The following QTMAN variants were observed in gnomAD, a reference collection of about 807,000 sequenced individuals.
QTMAN encodes the protein queuosine-tRNA mannosyltransferase.
At chr2:144,301,224 G>C in the QTMAN span, among the ~76,000 whole-genome samples, 19 of 151,458 alleles carry the variant, frequency 1.3e-4, no homozygotes, top group African/African-American at 4.1e-4. Context: ...TTGTTTTTTT[G>C]TTTGTTTGTT....
the QTMAN span, among the ~76,000 whole-genome samples, chr2:144,114,555 T>C: frequency 1.9e-3 from 291 of 152,294 alleles, 6 homozygotes; most frequent in South Asian, 0.014. Context: ...CCCTTGAGTA[T>C]AATAATTTGC....
chr2:144,043,204 G>A, the QTMAN span, among the ~76,000 whole-genome samples: 1 of 150,198 alleles, frequency 6.7e-6, no homozygotes, highest in Non-Finnish European at 1.5e-5. Context: ...TTTTACAGCA[G>A]ACGAATATGT....
chr2:144,183,363 G>A, the QTMAN span, among the ~76,000 whole-genome samples: 2 of 152,018 alleles, frequency 1.3e-5, no homozygotes, highest in South Asian at 2.1e-4. Flanking sequence ...ATGAAGACTA[G>A]TATCTGGTAC....
At chr2:144,250,857 C>G in the QTMAN span, among the ~76,000 whole-genome samples, 1 of 151,412 alleles carries the variant, frequency 6.6e-6, no homozygotes, top group South Asian at 2.1e-4. Flanking sequence ...ACTTACACCA[C>G]GCAACACTTC....
At chr2:144,084,633 T>C in the QTMAN span, among the ~76,000 whole-genome samples, 1 of 152,210 alleles carries the variant, frequency 6.6e-6, no homozygotes, top group Non-Finnish European at 1.5e-5. Flanking sequence ...TTCACCTTTT[T>C]AATTGTTCTT....
chr2:144,249,846 T>C, the QTMAN span, among the ~76,000 whole-genome samples: 18 of 152,160 alleles, frequency 1.2e-4, no homozygotes, highest in African/African-American at 4.3e-4. Flanking sequence ...TAATAAAACA[T>C]AAGGTTTATT....
the QTMAN span, among the ~76,000 whole-genome samples, chr2:144,072,364 T>TA: frequency 6.6e-6 from 1 of 152,212 alleles, no homozygotes; most frequent in Non-Finnish European, 1.5e-5. Context: ...AAGACAATCT[T>TA]ACTTTCTTAC....
chr2:144,278,385 G>C, the QTMAN span, among the ~76,000 whole-genome samples: 3 of 152,194 alleles, frequency 2.0e-5, no homozygotes, highest in Admixed American at 6.5e-5. Context: ...ACATATATTA[G>C]GGATAACAGA....
At chr2:144,275,040 A>G in the QTMAN span, among the ~76,000 whole-genome samples, 1 of 152,184 alleles carries the variant, frequency 6.6e-6, no homozygotes, top group African/African-American at 2.4e-5. Context: ...GTTGAGTGCT[A>G]TATGAGAATA....
chr2:144,259,537 A>G, the QTMAN span, among the ~76,000 whole-genome samples: 1 of 152,164 alleles, frequency 6.6e-6, no homozygotes, highest in Admixed American at 6.5e-5. Flanking sequence ...CCAACCTAAC[A>G]GTAATGACTC....
the QTMAN span, among the ~76,000 whole-genome samples, chr2:144,139,868 T>C: frequency 1.3e-5 from 2 of 152,090 alleles, no homozygotes; most frequent in Non-Finnish European, 2.9e-5. Context: ...ACTAATAATT[T>C]AACTGTATCT....
the QTMAN span, among the ~76,000 whole-genome samples, chr2:144,182,014 T>C: frequency 6.6e-6 from 1 of 151,964 alleles, no homozygotes. Flanking sequence ...GCAGATAAGC[T>C]AGCAACAACC....
At chr2:144,199,773 T>G in the QTMAN span, among the ~76,000 whole-genome samples, 1 of 152,204 alleles carries the variant, frequency 6.6e-6, no homozygotes, top group Non-Finnish European at 1.5e-5. Flanking sequence ...AATCTTGATC[T>G]TGATGTTAAT....
chr2:144,246,598 A>G, the QTMAN span, among the ~76,000 whole-genome samples: 102 of 149,062 alleles, frequency 6.8e-4, no homozygotes, highest in Middle Eastern at 3.4e-3. Context: ...AAAAAAAAAA[A>G]AAAAGAAAAG....
chr2:144,009,055 C>T, the QTMAN span, among the ~76,000 whole-genome samples: 15 of 151,878 alleles, frequency 9.9e-5, no homozygotes, highest in Non-Finnish European at 2.1e-4. Context: ...GGGAAGGAAG[C>T]GGGATCCTGA....
chr2:144,061,738 C>T, the QTMAN span, among the ~76,000 whole-genome samples: 1 of 152,116 alleles, frequency 6.6e-6, no homozygotes, highest in African/African-American at 2.4e-5. Context: ...TGTTTTTGTG[C>T]CCAAATGTTA....
the QTMAN span, among the ~76,000 whole-genome samples, chr2:144,063,444 C>T: frequency 6.6e-6 from 1 of 152,012 alleles, no homozygotes; most frequent in African/African-American, 2.4e-5. Flanking sequence ...ATAACAAATG[C>T]CTCAATTACT....
At chr2:144,106,175 T>G in the QTMAN span, among the ~76,000 whole-genome samples, 31 of 152,268 alleles carry the variant, frequency 2.0e-4, no homozygotes, top group East Asian at 1.5e-3. Flanking sequence ...AGACCATCGA[T>G]GCTAGGAAGA....
chr2:144,101,385 A>ATCTC, the QTMAN span, among the ~76,000 whole-genome samples: 1,788 of 140,796 alleles, frequency 0.013, 38 homozygotes, highest in African/African-American at 0.042. Flanking sequence ...AATCATGTCT[A>ATCTC]TCTCTCTCTC....
Sources: allele counts gnomAD v4.1 joint callset (sites outside exome capture counted in the v4.1 genomes callset), GRCh38; gene constraint gnomAD v4.1.1; transcripts MANE v1.5; gene names NCBI Gene and HGNC (gene_info 2026-07-23, HGNC 2026-07-21).